The following FAM163A variants were observed in gnomAD, a reference collection of about 807,000 sequenced individuals.
FAM163A encodes the protein family with sequence similarity 163 member A.
Under a neutral mutation model 12.0 loss-of-function variants are expected in FAM163A, and 7 were observed. The ratio of observed to expected loss-of-function variants is 0.58; its 90% CI spans 0.33 to 1.10. The LOEUF is 1.10. FAM163A is among the 50% of genes least tolerant of loss of function. The pLI is 0.03. For synonymous variants in FAM163A, 101 were observed against 91.0 expected (o/e 1.11, Z -0.62); for missense variants, 202 against 218.6 (o/e 0.92, Z 0.48).
At chr1:179,768,548 C>G (rs1687815663) in intron 1 of FAM163A, among the ~76,000 whole-genome samples, 2 of 152,072 alleles carry the variant, frequency 1.3e-5, no homozygotes, top group African/African-American at 4.8e-5. Context: ...TCACTGTACA[C>G]CTGTGAGAAC....
chr1:179,775,350 A>T (rs549665952), intron 1 of FAM163A, among the ~76,000 whole-genome samples: 1 of 152,236 alleles, frequency 6.6e-6, no homozygotes, highest in Non-Finnish European at 1.5e-5. Flanking sequence ...CTTAGTCTAC[A>T]ATCAGTCTGA....
chr1:179,782,179 C>G (rs900484211), intron 1 of FAM163A, among the ~76,000 whole-genome samples: 1 of 152,082 alleles, frequency 6.6e-6, no homozygotes, highest in Non-Finnish European at 1.5e-5. Context: ...GACCAGGCCT[C>G]TGTGCGCATG....
chr1:179,804,562 C>T (rs1693653372), intron 1 of FAM163A, among the ~76,000 whole-genome samples: 1 of 152,212 alleles, frequency 6.6e-6, no homozygotes, highest in Non-Finnish European at 1.5e-5. Context: ...CCTAAATGCT[C>T]ATCAGTGACA....
chr1:179,738,429 G>GT (rs1376256048), upstream of FAM163A, among the ~76,000 whole-genome samples: 3 of 152,014 alleles, frequency 2.0e-5, no homozygotes, highest in Admixed American at 2.0e-4. Context: ...AAAATATGTA[G>GT]TTTTTTGTAT....
intron 2 of FAM163A, among the ~76,000 whole-genome samples, chr1:179,808,893 C>T (rs889472325): frequency 1.3e-5 from 2 of 152,112 alleles, no homozygotes. Flanking sequence ...ATGAGCCCTC[C>T]TGAAATCATA....
chr1:179,772,595 T>C (rs772701554), intron 1 of FAM163A, among the ~76,000 whole-genome samples: 8 of 152,226 alleles, frequency 5.3e-5, no homozygotes, highest in African/African-American at 1.4e-4. Flanking sequence ...ACCACTGCCC[T>C]GAAGCATTGC....
rs562852449 is a variant in FAM163A, at chr1:179,816,015, G to A, written c.*1826G>A. On this transcript the variant is annotated 3_prime_UTR_variant, in exon 5 of 5. Coordinates refer to ENST00000341785, the MANE Select transcript of FAM163A (RefSeq NM_173509.3). Reference sequence around the variant, plus strand: ...CAGGGAAACGAGGCTTGCCCAGATAGACTAACAACCCTTTAGTGCTCCAAG... The same window carrying A: ...CAGGGAAACGAGGCTTGCCCAGATAAACTAACAACCCTTTAGTGCTCCAAG... 1 of 152,268 alleles carries A rather than the reference G, an allele frequency of 6.6e-6. No homozygotes were observed. Among genetic ancestry groups the A allele is most frequent in the South Asian group, 2.1e-4 (1 of 4,822 alleles). The allele number at this position is 152,268 out of a possible 1,614,324, so 9.4% of individuals were successfully genotyped here. A position where few individuals can be genotyped will look rare whatever the true frequency, so the allele number is the denominator to read the frequency against.
chr1:179,748,531 C>T (rs1684830676), intron 1 of FAM163A, among the ~76,000 whole-genome samples: 1 of 152,200 alleles, frequency 6.6e-6, no homozygotes, highest in South Asian at 2.1e-4. Flanking sequence ...GAAGGATGAG[C>T]AAGGCATGGC....
intron 1 of FAM163A, among the ~76,000 whole-genome samples, chr1:179,805,453 T>A (rs999752005): frequency 2.0e-5 from 3 of 152,120 alleles, no homozygotes; most frequent in African/African-American, 7.2e-5. Context: ...ATTAATCGCT[T>A]TAACCTGGTG....
At chr1:179,764,812 C>G (rs1357192606) in intron 1 of FAM163A, among the ~76,000 whole-genome samples, 3 of 152,186 alleles carry the variant, frequency 2.0e-5, no homozygotes, top group African/African-American at 7.2e-5. Flanking sequence ...CACTTGACCT[C>G]TCTGTGCCTC....
intron 1 of FAM163A, among the ~76,000 whole-genome samples, chr1:179,789,471 C>T (rs921771371): frequency 3.3e-5 from 5 of 152,220 alleles, no homozygotes; most frequent in African/African-American, 7.2e-5. Flanking sequence ...CGTGAGCCAC[C>T]GCCCCCGGCA....
chr1:179,741,945 A>T (rs1358967621), upstream of FAM163A: 2 of 152,118 alleles, frequency 1.3e-5, no homozygotes, highest in Admixed American at 6.5e-5. Flanking sequence ...CGTTGTTTTC[A>T]CTTTTCTGTG....
At chr1:179,807,417 G>C (rs1370188037) in intron 1 of FAM163A, among the ~76,000 whole-genome samples, 1 of 152,110 alleles carries the variant, frequency 6.6e-6, no homozygotes, top group African/African-American at 2.4e-5. Flanking sequence ...AGTCATGCAG[G>C]CAACAAGGAC....
intron 1 of FAM163A, among the ~76,000 whole-genome samples, chr1:179,771,241 G>A (rs989224923): frequency 1.3e-5 from 2 of 152,200 alleles, no homozygotes; most frequent in African/African-American, 4.8e-5. Context: ...ACAGAGTGCC[G>A]GCTCCCCCTG....
intron 1 of FAM163A, among the ~76,000 whole-genome samples, chr1:179,752,145 C>T (rs11578918): frequency 0.24 from 36,228 of 152,096 alleles, 4,968 homozygotes; most frequent in East Asian, 0.63. Context: ...TAAATCCACA[C>T]ATGATACGGT....
At chr1:179,796,164 A>G (rs1571526360) in intron 1 of FAM163A, among the ~76,000 whole-genome samples, 1 of 141,282 alleles carries the variant, frequency 7.1e-6, no homozygotes, top group South Asian at 2.2e-4. Flanking sequence ...CACACACACA[A>G]ACTTAAGGTT....
intron 1 of FAM163A, among the ~76,000 whole-genome samples, chr1:179,755,793 G>T (rs1198864660): frequency 6.6e-6 from 1 of 152,102 alleles, no homozygotes; most frequent in East Asian, 1.9e-4. Context: ...AGTGCCCATG[G>T]ATTCAAGGTC....
chr1:179,737,924 G>T, the FAM163A span, among the ~76,000 whole-genome samples: 7 of 152,306 alleles, frequency 4.6e-5, no homozygotes, highest in South Asian at 1.4e-3. Context: ...TGTAGTGATG[G>T]TTTCGCAGTA....
At chr1:179,782,786 A>G (rs113945599) in intron 1 of FAM163A, among the ~76,000 whole-genome samples, 3,812 of 152,254 alleles carry the variant, frequency 0.025, 177 homozygotes, top group African/African-American at 0.087. Flanking sequence ...AAGCTGAGAA[A>G]ACTTGTCTGA....
Sources: gnomAD v4.1 joint callset for allele counts (sites outside exome capture counted in the v4.1 genomes callset) on GRCh38, gnomAD v4.1.1 for gene constraint, MANE v1.5 for transcripts, NCBI Gene and HGNC (gene_info 2026-07-23, HGNC 2026-07-21) for gene names.